EPAS1: variants seen among roughly 807,000 people sequenced by gnomAD.
The protein encoded by EPAS1 is endothelial PAS domain-containing protein 1.
A neutral mutation model predicts 87.9 loss-of-function variants in EPAS1; 23 were observed. The observed-to-expected ratio is 0.26, with a 90% CI of 0.19 to 0.37. EPAS1 has a LOEUF of 0.37. Among genes scored for constraint, EPAS1 ranks in the 10% least tolerant of loss-of-function variants. EPAS1 has a pLI of 1.00. For synonymous variants in EPAS1, 508 were observed against 444.3 expected, an observed-to-expected ratio of 1.14 and a Z score of -1.80; for missense variants, 1,138 against 1,120.7, an observed-to-expected ratio of 1.02 and a Z score of -0.22.
intron 10 of EPAS1, among the ~76,000 whole-genome samples, chr2:46,378,396 G>A (rs564551251): frequency 1.3e-5 from 2 of 152,344 alleles, no homozygotes; most frequent in East Asian, 3.9e-4. Flanking sequence ...GCCACAGCCT[G>A]TATCCTGTTT....
chr2:46,378,873 G>A, intron 11 of EPAS1, 106 bp downstream of exon 11: 2 of 1,135,310 alleles, frequency 1.8e-6, no homozygotes. Context: ...AAAGAGCAGT[G>A]GAGACGTTTG....
At chr2:46,310,767 G>A (rs180676493) in intron 1 of EPAS1, among the ~76,000 whole-genome samples, 96 of 152,374 alleles carry the variant, frequency 6.3e-4, no homozygotes, top group Middle Eastern at 3.4e-3. Flanking sequence ...AGAGGCCAGC[G>A]GGTCTCATCC....
chr2:46,352,767 A>G (rs1572634046), intron 2 of EPAS1, among the ~76,000 whole-genome samples: 1 of 152,186 alleles, frequency 6.6e-6, no homozygotes, highest in Non-Finnish European at 1.5e-5. Context: ...CCTGGGGCCA[A>G]CCTGCTGGCT....
intron 1 of EPAS1, 121 bp downstream of exon 1, chr2:46,298,058 C>G (rs1682921714): frequency 1.6e-6 from 2 of 1,270,274 alleles, no homozygotes; most frequent in Admixed American, 2.0e-5. Flanking sequence ...GCTCGAGGCT[C>G]GGTTTGGAGG....
At chr2:46,309,545 G>A (rs1683172149) in intron 1 of EPAS1, among the ~76,000 whole-genome samples, 1 of 152,194 alleles carries the variant, frequency 6.6e-6, no homozygotes, top group African/African-American at 2.4e-5. Context: ...AGTGATTAGT[G>A]GAGATTAGAG....
intron 1 of EPAS1, among the ~76,000 whole-genome samples, chr2:46,328,244 G>A (rs565162120): frequency 3.7e-4 from 56 of 152,330 alleles, no homozygotes; most frequent in African/African-American, 1.3e-3. Flanking sequence ...AGGAGGGAGA[G>A]CTAGGAGCTT....
intron 1 of EPAS1, among the ~76,000 whole-genome samples, chr2:46,314,381 C>G (rs1572615952): frequency 6.6e-6 from 1 of 152,212 alleles, no homozygotes; most frequent in Non-Finnish European, 1.5e-5. Context: ...CTGCCTGTAC[C>G]TCCACAGATG....
At chr2:46,324,278 A>C (rs1468401934) in intron 1 of EPAS1, among the ~76,000 whole-genome samples, 2 of 152,222 alleles carry the variant, frequency 1.3e-5, no homozygotes, top group Non-Finnish European at 2.9e-5. Flanking sequence ...CACGTTAGCC[A>C]GGATGGTCTC....
At chr2:46,361,274 G>A (rs1394676456) in intron 6 of EPAS1, among the ~76,000 whole-genome samples, 184 bp downstream of exon 6, 1 of 152,138 alleles carries the variant, frequency 6.6e-6, no homozygotes, top group Admixed American at 6.5e-5. Context: ...TACTGTATTT[G>A]GTGGTCTCCC....
intron 3 of EPAS1, among the ~76,000 whole-genome samples, chr2:46,356,521 T>A (rs1013862465): frequency 1.3e-5 from 2 of 152,280 alleles, no homozygotes; most frequent in African/African-American, 2.4e-5. Context: ...CTCTACTGAC[T>A]CATTAACAGA....
chr2:46,375,536 C>T lies in EPAS1; in HGVS notation c.887-154C>T, dbSNP rs142911758. On this transcript the variant is annotated intron_variant, in intron 7 of 15. Coordinates refer to ENST00000263734, the MANE Select transcript of EPAS1 (RefSeq NM_001430.5). The surrounding 1 kb of genome is among the most constrained non-coding windows in gnomAD (Gnocchi z 4.1). ...GTTGGCTGAGGTGATCCCTAAGCTC[C>T]CTCCCAGGTCACTCTCCCTGGTCCT... 79 of 861,092 alleles carry T rather than the reference C, an allele frequency of 9.2e-5. No individual in the cohort carries two copies. In the African/African-American group the frequency reaches 9.8e-4, roughly 11 times the overall value. The allele number at this position is 861,092 out of a possible 1,614,324, so 53.3% of individuals were successfully genotyped here. A position where few individuals can be genotyped will look rare whatever the true frequency, so the allele number is the denominator to read the frequency against.
At chr2:46,381,867 T>C (rs1684901236) in intron 13 of EPAS1, 108 bp from the exon 14 acceptor site, 1 of 1,538,490 alleles carries the variant, frequency 6.5e-7, no homozygotes, top group East Asian at 2.4e-5. Flanking sequence ...GATGTGGCCC[T>C]TCCAAGCCAG....
chr2:46,367,426 C>T (rs1238884386), intron 6 of EPAS1, among the ~76,000 whole-genome samples: 1 of 152,208 alleles, frequency 6.6e-6, no homozygotes, highest in Non-Finnish European at 1.5e-5. Flanking sequence ...GTTAGCAGGG[C>T]TTACTCATGC....
Position 46,384,609 on chromosome 2 carries a change from C to T in EPAS1, c.2562C>T (p.Ser854=), listed in dbSNP as rs374625120. The change falls in exon 16 of 16, where the codon TCC becomes TCT. Residue 854 remains serine, a synonymous_variant. Coordinates refer to ENST00000263734, the MANE Select transcript of EPAS1 (RefSeq NM_001430.5). ...TGAACGTGCCCGTGCTGGGAAGCTC[C>T]ACGCTCCTGCAAGGAGGGGACCTCC... ...CEVNVPVLGS[S]TLLQGGDLLR... 19 of 1,613,988 alleles carry T rather than the reference C, an allele frequency of 1.2e-5. No homozygotes were observed. The highest frequency in any genetic ancestry group is 8.0e-5 in the African/African-American group (6 of 74,928).
At chr2:46,318,557 G>C (rs1452221912) in intron 1 of EPAS1, among the ~76,000 whole-genome samples, 1 of 152,202 alleles carries the variant, frequency 6.6e-6, no homozygotes, top group African/African-American at 2.4e-5. Flanking sequence ...TTTAACACGT[G>C]TAAAACTGTG....
intron 15 of EPAS1, among the ~76,000 whole-genome samples, 162 bp downstream of exon 15, chr2:46,382,760 C>T (rs1399765078): frequency 6.6e-6 from 1 of 152,218 alleles, no homozygotes; most frequent in Non-Finnish European, 1.5e-5. Flanking sequence ...AGGGAACCTC[C>T]TCACAAGTTC....
In EPAS1 at chr2:46,381,556, C is replaced by T. The variant is rs542168944; in HGVS notation, c.2046-40C>T. ...TGAGAAGGCACTGAGTGGCATGTGG[C>T]TCCAGACTCCCTCATAGCCTGCTCT... is the stretch of plus-strand genomic sequence containing the variant. On this transcript the variant is annotated intron_variant, in intron 12 of 15. Coordinates refer to ENST00000263734, the MANE Select transcript of EPAS1 (RefSeq NM_001430.5). 6.2e-6 allele frequency: 10 copies of T among 1,613,754 alleles called. No homozygotes were observed. In the African/African-American group the frequency reaches 8.0e-5, roughly 13 times the overall value.
chr2:46,326,506 A>C (rs1236792078), intron 1 of EPAS1, among the ~76,000 whole-genome samples: 2 of 152,170 alleles, frequency 1.3e-5, no homozygotes, highest in African/African-American at 4.8e-5. Flanking sequence ...AGGCCTTGAC[A>C]AAGCATTTGT....
At chr2:46,315,600 C>T (rs1683297963) in intron 1 of EPAS1, among the ~76,000 whole-genome samples, 2 of 152,222 alleles carry the variant, frequency 1.3e-5, no homozygotes, top group Admixed American at 1.3e-4. Context: ...AGACTCCTTG[C>T]CAGGCCTGCC....
Sources: allele counts gnomAD v4.1 joint callset (sites outside exome capture counted in the v4.1 genomes callset), GRCh38; gene constraint gnomAD v4.1.1; non-coding constraint Gnocchi (gnomAD v3.1); transcripts MANE v1.5; gene names NCBI Gene and HGNC (gene_info 2026-07-23, HGNC 2026-07-21).